The following FGF14 variants were observed in gnomAD, a reference collection of about 807,000 sequenced individuals.
FGF14 encodes fibroblast growth factor homologous factor 4.
In FGF14, 5 loss-of-function variants were observed where a neutral mutation model predicts 25.5. That is an observed-to-expected ratio of 0.20 (90% confidence interval 0.10 to 0.41). FGF14 has a LOEUF of 0.41. Among genes scored for constraint, FGF14 ranks in the 10% least tolerant of loss-of-function variants. FGF14 has a pLI of 1.00. For missense variants in FGF14, 222 were observed against 320.1 expected (o/e 0.69, Z 2.34); for synonymous variants, 138 against 118.3 (o/e 1.17, Z -1.08).
upstream of FGF14, among the ~76,000 whole-genome samples, chr13:101,917,313 G>T (rs2033631332): frequency 6.6e-6 from 1 of 151,818 alleles, no homozygotes. Flanking sequence ...CTCCACCTAT[G>T]TGGTCCCCCT....
intron 1 of FGF14, among the ~76,000 whole-genome samples, chr13:102,165,672 G>A (rs2047972715): frequency 1.0e-5 from 1 of 97,038 alleles, no homozygotes; most frequent in Non-Finnish European, 2.0e-5. Context: ...TTGTGGGTGG[G>A]GGGAGGGGGG....
chr13:101,818,346 C>T (rs2041943313), intron 3 of FGF14, among the ~76,000 whole-genome samples: 1 of 152,196 alleles, frequency 6.6e-6, no homozygotes, highest in Non-Finnish European at 1.5e-5. Flanking sequence ...TTTGGCCCTT[C>T]CAAAGGACTT....
chr13:102,118,347 T>A, intron 1 of FGF14, among the ~76,000 whole-genome samples: 1 of 151,320 alleles, frequency 6.6e-6, no homozygotes. Flanking sequence ...CCTATAATAT[T>A]AAATATTAAA....
chr13:101,965,313 C>T (rs1019107806), intron 1 of FGF14, among the ~76,000 whole-genome samples: 2 of 151,918 alleles, frequency 1.3e-5, no homozygotes, highest in African/African-American at 4.8e-5. Flanking sequence ...GCTACACATG[C>T]CTTCACAGGT....
chr13:101,736,486 A>G (rs1594076873), intron 3 of FGF14, among the ~76,000 whole-genome samples: 2 of 152,120 alleles, frequency 1.3e-5, no homozygotes. Context: ...TTTATTTTGT[A>G]TATTTTTACG....
At chr13:102,235,084 T>C (rs1328084291) in intron 1 of FGF14, among the ~76,000 whole-genome samples, 2 of 152,208 alleles carry the variant, frequency 1.3e-5, no homozygotes, top group Non-Finnish European at 2.9e-5. Context: ...ATTATCTGAT[T>C]TATAAATTTG....
intron 1 of FGF14, among the ~76,000 whole-genome samples, chr13:102,390,840 C>T (rs1006755880): frequency 1.2e-4 from 18 of 152,088 alleles, no homozygotes; most frequent in Admixed American, 2.0e-4. Context: ...AATATACATT[C>T]GTTAACGGGA....
intron 1 of FGF14, among the ~76,000 whole-genome samples, chr13:102,232,299 TAAAAA>T: frequency 5.0e-5 from 1 of 19,874 alleles, no homozygotes; most frequent in South Asian, 1.2e-3. Flanking sequence ...AGAATAAAAC[TAAAAA>T]TAACTTTCAC....
intron 3 of FGF14, among the ~76,000 whole-genome samples, chr13:101,820,283 C>A (rs1254095234): frequency 6.6e-6 from 1 of 152,000 alleles, no homozygotes. Context: ...CTACTTAAAG[C>A]AAGATTTCTT....
At chr13:102,163,664 C>T (rs547774242) in intron 1 of FGF14, among the ~76,000 whole-genome samples, 44 of 152,070 alleles carry the variant, frequency 2.9e-4, no homozygotes, top group Non-Finnish European at 5.0e-4. Context: ...TGGCTGGCTG[C>T]AAAGGCAATT....
intron 1 of FGF14, among the ~76,000 whole-genome samples, chr13:102,220,497 A>G (rs2050562021): frequency 6.6e-6 from 1 of 152,216 alleles, no homozygotes; most frequent in Non-Finnish European, 1.5e-5. Context: ...GACATTAGAT[A>G]TATTTTTACT....
chr13:102,126,935 C>T (rs1460989602), intron 1 of FGF14, among the ~76,000 whole-genome samples: 1 of 152,086 alleles, frequency 6.6e-6, no homozygotes, highest in African/African-American at 2.4e-5. Flanking sequence ...TAACTGTTGT[C>T]ATTTTACAGG....
chr13:102,334,418 C>T (rs972380228), intron 1 of FGF14, among the ~76,000 whole-genome samples: 1 of 152,126 alleles, frequency 6.6e-6, no homozygotes, highest in African/African-American at 2.4e-5. Context: ...TCAAACTCAG[C>T]TTTCAAATGC....
At chr13:102,162,800 A>C (rs1267664413) in intron 1 of FGF14, among the ~76,000 whole-genome samples, 2 of 152,168 alleles carry the variant, frequency 1.3e-5, no homozygotes, top group Non-Finnish European at 2.9e-5. Context: ...CCTTGTGTTG[A>C]AATGAGCTGC....
At chr13:102,139,381 T>C (rs575149635) in intron 1 of FGF14, among the ~76,000 whole-genome samples, 1 of 151,678 alleles carries the variant, frequency 6.6e-6, no homozygotes, top group East Asian at 1.9e-4. Flanking sequence ...GCCTGGGTGG[T>C]AGAGTGAGAC....
At chr13:102,053,309 A>G (rs184746601) in intron 1 of FGF14, among the ~76,000 whole-genome samples, 7 of 152,244 alleles carry the variant, frequency 4.6e-5, no homozygotes, top group Non-Finnish European at 7.4e-5. Context: ...GCTGCCTACA[A>G]GAGACTAACT....
intron 1 of FGF14, among the ~76,000 whole-genome samples, chr13:101,880,306 G>C (rs1048847136): frequency 6.6e-6 from 1 of 152,126 alleles, no homozygotes; most frequent in Non-Finnish European, 1.5e-5. Flanking sequence ...AGTGGCTCAC[G>C]CCTGTAATCC....
intron 1 of FGF14, among the ~76,000 whole-genome samples, chr13:102,001,269 G>A (rs191580480): frequency 9.9e-4 from 150 of 152,264 alleles, no homozygotes; most frequent in African/African-American, 3.3e-3. Context: ...TGTATTTTAT[G>A]ACTGGAAATA....
intron 3 of FGF14, among the ~76,000 whole-genome samples, chr13:101,837,787 G>A (rs753449478): frequency 9.9e-5 from 15 of 151,994 alleles, no homozygotes; most frequent in Non-Finnish European, 1.8e-4. Flanking sequence ...CAACTTGATT[G>A]GATTGAAGGA....
Sources: gnomAD v4.1 joint callset for allele counts (sites outside exome capture counted in the v4.1 genomes callset) on GRCh38, gnomAD v4.1.1 for gene constraint, MANE v1.5 for transcripts, NCBI Gene and HGNC (gene_info 2026-07-23, HGNC 2026-07-21) for gene names.